NCAM2: variants seen among roughly 807,000 people sequenced by gnomAD.
NCAM2 encodes the protein N-CAM-2.
In NCAM2, 30 loss-of-function variants were observed where a neutral mutation model predicts 98.1. The observed-to-expected ratio is 0.31, with a 90% CI of 0.23 to 0.41. NCAM2 has a LOEUF of 0.41. NCAM2 is among the 10% of genes least tolerant of loss of function. The pLI is 1.00. For synonymous variants in NCAM2, 368 were observed against 342.4 expected (o/e 1.07, Z -0.83); for missense variants, 867 against 1,005.8 (o/e 0.86, Z 1.87).
intron 17 of NCAM2, 150 bp downstream of exon 17, chr21:21,534,806 A>C (rs944835782): frequency 8.5e-6 from 7 of 825,860 alleles, no homozygotes; most frequent in Non-Finnish European, 1.2e-5. Context: ...GAATATCTAA[A>C]ATCCATTTTC....
At chr21:21,260,941 C>T (rs1342414677) in intron 1 of NCAM2, among the ~76,000 whole-genome samples, 2 of 151,960 alleles carry the variant, frequency 1.3e-5, no homozygotes, top group Non-Finnish European at 2.9e-5. Flanking sequence ...ACTCAACCAC[C>T]ATCTTTTGCC....
At chr21:21,173,231 G>C (rs749267117) in intron 1 of NCAM2, among the ~76,000 whole-genome samples, 2 of 152,158 alleles carry the variant, frequency 1.3e-5, no homozygotes, top group Non-Finnish European at 2.9e-5. Context: ...TATGTAGTTA[G>C]TCGCTAATTC....
At chr21:21,340,134 C>T (rs2074984443) in intron 8 of NCAM2, among the ~76,000 whole-genome samples, 1 of 151,674 alleles carries the variant, frequency 6.6e-6, no homozygotes, top group Admixed American at 6.6e-5. Context: ...GTTTTTGTTT[C>T]AATTTTGCAT....
At position 21,410,189 on chromosome 21, in the gene NCAM2, T is replaced by C. The variant is rs1253799446; in HGVS notation, c.1196-85T>C. 5 of 743,470 alleles carry C rather than the reference T, an allele frequency of 6.7e-6. No individual in the cohort carries two copies. In the East Asian group the frequency reaches 1.3e-4, roughly 20 times the overall value. 46.1% of individuals were successfully genotyped at this position (743,470 alleles called of 1,614,324 possible). ...AATTATGTGGCTTCTTTTTATACAG[T>C]AGAAATAACTAATGCTTATACTACT... On this transcript the variant is annotated intron_variant, in intron 9 of 17. Coordinates refer to ENST00000400546, the MANE Select transcript of NCAM2 (RefSeq NM_004540.5).
intron 1 of NCAM2, among the ~76,000 whole-genome samples, chr21:21,214,020 G>A (rs1378357184): frequency 6.6e-6 from 1 of 152,054 alleles, no homozygotes; most frequent in African/African-American, 2.4e-5. Flanking sequence ...GACAGTACCT[G>A]AACACCAACT....
At chr21:21,371,904 A>C (rs2075924751) in intron 8 of NCAM2, among the ~76,000 whole-genome samples, 1 of 151,286 alleles carries the variant, frequency 6.6e-6, no homozygotes, top group South Asian at 2.1e-4. Flanking sequence ...CTCTGACACA[A>C]AATAATTGTT....
chr21:21,034,360 G>C (rs184651312), intron 1 of NCAM2, among the ~76,000 whole-genome samples: 2 of 152,124 alleles, frequency 1.3e-5, no homozygotes. Flanking sequence ...AAACTCTGAA[G>C]CATCTTCAGT....
chr21:21,485,636 G>A (rs1439627669), intron 15 of NCAM2, among the ~76,000 whole-genome samples: 2 of 152,130 alleles, frequency 1.3e-5, no homozygotes, highest in Non-Finnish European at 2.9e-5. Context: ...AGTAAAGAGT[G>A]TTTGTGTTTT....
chr21:21,180,816 T>C (rs2068444798), intron 1 of NCAM2, among the ~76,000 whole-genome samples: 1 of 152,108 alleles, frequency 6.6e-6, no homozygotes, highest in Non-Finnish European at 1.5e-5. Flanking sequence ...TGTAGAGAAA[T>C]GAAAACACTG....
intron 15 of NCAM2, among the ~76,000 whole-genome samples, chr21:21,506,303 T>C (rs1987975288): frequency 6.6e-6 from 1 of 152,152 alleles, no homozygotes; most frequent in Non-Finnish European, 1.5e-5. Flanking sequence ...ATGAATACAT[T>C]TGAAATTGAA....
At chr21:21,242,788 G>T (rs2071115035) in intron 1 of NCAM2, among the ~76,000 whole-genome samples, 1 of 152,104 alleles carries the variant, frequency 6.6e-6, no homozygotes, top group East Asian at 1.9e-4. Context: ...ATACTGCAAT[G>T]AATGAATACC....
intron 1 of NCAM2, among the ~76,000 whole-genome samples, chr21:21,221,903 C>T (rs529701570): frequency 9.9e-5 from 15 of 151,974 alleles, no homozygotes; most frequent in African/African-American, 1.7e-4. Flanking sequence ...AAGTAAATGC[C>T]GGGCTTCAAA....
chr21:21,511,738 C>A (rs1448752905), intron 16 of NCAM2, among the ~76,000 whole-genome samples: 2 of 151,958 alleles, frequency 1.3e-5, no homozygotes, highest in Non-Finnish European at 2.9e-5. Flanking sequence ...GTTTTCATTT[C>A]TTCACATCAT....
intron 1 of NCAM2, among the ~76,000 whole-genome samples, chr21:21,110,515 T>C (rs1338293863): frequency 6.6e-6 from 1 of 151,614 alleles, no homozygotes; most frequent in Non-Finnish European, 1.5e-5. Context: ...AAGATACAAT[T>C]TCCTCTGTGT....
intron 1 of NCAM2, among the ~76,000 whole-genome samples, chr21:21,056,736 T>C (rs953493464): frequency 2.0e-5 from 3 of 152,062 alleles, no homozygotes; most frequent in Non-Finnish European, 4.4e-5. Context: ...TTGCTACTCA[T>C]AGAAAGTCTT....
chr21:21,296,397 A>G (rs992572433), intron 5 of NCAM2, among the ~76,000 whole-genome samples: 2 of 151,490 alleles, frequency 1.3e-5, no homozygotes, highest in Non-Finnish European at 3.0e-5. Flanking sequence ...AAAGACCAAC[A>G]CTTGTAAAAC....
intron 1 of NCAM2, among the ~76,000 whole-genome samples, chr21:21,232,249 A>G (rs924208080): frequency 3.3e-5 from 5 of 151,622 alleles, no homozygotes; most frequent in African/African-American, 4.8e-5. Flanking sequence ...TACTCAAATT[A>G]TATGAAGAAA....
intron 14 of NCAM2, among the ~76,000 whole-genome samples, chr21:21,473,477 TGA>T (rs1400622760): frequency 6.7e-6 from 1 of 150,312 alleles, no homozygotes; most frequent in African/African-American, 2.4e-5. Flanking sequence ...GGGCCTTCTG[TGA>T]GGTCATGTAA....
At chr21:21,471,183 T>C (rs1228437588) in intron 14 of NCAM2, among the ~76,000 whole-genome samples, 1 of 152,014 alleles carries the variant, frequency 6.6e-6, no homozygotes, top group African/African-American at 2.4e-5. Flanking sequence ...GATACAGCCA[T>C]CCTGGCACAG....
Sources: gnomAD v4.1 joint callset for allele counts (sites outside exome capture counted in the v4.1 genomes callset) on GRCh38, gnomAD v4.1.1 for gene constraint, MANE v1.5 for transcripts, NCBI Gene and HGNC (gene_info 2026-07-23, HGNC 2026-07-21) for gene names.